Variants in ATAD5 observed in about 807,000 individuals in gnomAD.
The protein encoded by ATAD5 is ATPase family AAA domain-containing protein 5.
ATAD5 carries 58 observed loss-of-function variants against 176.9 expected under a neutral mutation model. The observed-to-expected ratio is 0.33, with a 90% CI of 0.27 to 0.41. The LOEUF (loss-of-function observed/expected upper bound fraction) is 0.41, where lower values mean the gene tolerates loss of function less well. ATAD5 is among the 10% of genes least tolerant of loss of function. ATAD5 has a pLI of 1.00. For missense variants in ATAD5, 1,789 were observed against 2,094.1 expected (o/e 0.85, Z 2.84); for synonymous variants, 640 against 712.6 (o/e 0.90, Z 1.62).
At chr17:30,848,333 C>A (rs777185125) in intron 6 of ATAD5, among the ~76,000 whole-genome samples, 7 of 151,808 alleles carry the variant, frequency 4.6e-5, no homozygotes, top group Non-Finnish European at 8.8e-5. Context: ...GTAGCCGTGA[C>A]CTCCAAGGGT....
At chr17:30,832,804 T>G (rs568478607) in intron 1 of ATAD5, among the ~76,000 whole-genome samples, 8 of 152,336 alleles carry the variant, frequency 5.3e-5, no homozygotes, top group African/African-American at 1.9e-4. Context: ...TAAGTTAAAC[T>G]AGTTCATACA....
intron 19 of ATAD5, among the ~76,000 whole-genome samples, 166 bp from the exon 20 acceptor site, chr17:30,892,441 A>G (rs1017009397): frequency 6.6e-6 from 1 of 151,980 alleles, no homozygotes; most frequent in African/African-American, 2.4e-5. Context: ...AAAAAAAAAA[A>G]AAAGAATAAT....
At chr17:30,866,821 A>G (rs2142390968) in intron 11 of ATAD5, among the ~76,000 whole-genome samples, 1 of 152,182 alleles carries the variant, frequency 6.6e-6, no homozygotes. Context: ...TCCCAAAACA[A>G]AGCAAAAAAA....
chr17:30,879,974 A>C, intron 18 of ATAD5, among the ~76,000 whole-genome samples: 1 of 150,796 alleles, frequency 6.6e-6, no homozygotes, highest in African/African-American at 2.4e-5. Flanking sequence ...CAGTGAGCTG[A>C]AATTGTGCCA....
chr17:30,854,369 ATTTT>A (rs11445925), intron 6 of ATAD5, among the ~76,000 whole-genome samples: 1 of 121,008 alleles, frequency 8.3e-6, no homozygotes, highest in Non-Finnish European at 1.6e-5. Flanking sequence ...ATTAATTTAA[ATTTT>A]TTTTTTTTTT....
At chr17:30,883,569 G>GGT (rs1909148625) in intron 18 of ATAD5, among the ~76,000 whole-genome samples, 1 of 151,812 alleles carries the variant, frequency 6.6e-6, no homozygotes, top group Non-Finnish European at 1.5e-5. Context: ...TTTTTGAGAT[G>GGT]GAGTCTCGCT....
intron 6 of ATAD5, among the ~76,000 whole-genome samples, chr17:30,851,293 A>G (rs1906945894): frequency 6.8e-6 from 1 of 147,984 alleles, no homozygotes; most frequent in East Asian, 2.1e-4. Context: ...TCAGCAGATC[A>G]AGACCATCCT....
chr17:30,841,828 A>G (rs1429280930), intron 4 of ATAD5, among the ~76,000 whole-genome samples: 2 of 152,198 alleles, frequency 1.3e-5, no homozygotes, highest in Non-Finnish European at 2.9e-5. Context: ...TCTGTTGCCA[A>G]ATATCCCATT....
intron 7 of ATAD5, among the ~76,000 whole-genome samples, chr17:30,856,306 A>G (rs1053229622): frequency 6.6e-6 from 1 of 152,192 alleles, no homozygotes; most frequent in Admixed American, 6.6e-5. Flanking sequence ...CTCACTTTGA[A>G]TGTAAGGATG....
Position 30,869,552 on chromosome 17 carries a change from G to A in ATAD5, c.3513G>A (p.Leu1171=), listed in dbSNP as rs764842050. The stretch of plus-strand genomic sequence containing the variant: ...GTGGTAGACAAATTCTATCTCAGTT[G>A]AAGGAAGCTACTCAGTCCCATCAAG... ...QRSGRQILSQ[L]KEATQSHQVD... Residue 1171 remains leucine, a synonymous_variant, in exon 14 of 23, where the codon TTG becomes TTA. Coordinates refer to ENST00000321990, the MANE Select transcript of ATAD5 (RefSeq NM_024857.5). 8 of 1,612,452 alleles carry A rather than the reference G, an allele frequency of 5.0e-6. No homozygotes were observed. Among genetic ancestry groups the A allele is most frequent in the Non-Finnish European group, 6.8e-6 (8 of 1,179,710 alleles).
intron 12 of ATAD5, 151 bp from the exon 13 acceptor site, chr17:30,869,097 A>T: frequency 1.2e-6 from 1 of 862,932 alleles, no homozygotes; most frequent in South Asian, 1.8e-5. Flanking sequence ...AAGTGCTGGG[A>T]TTACAGGCAT....
At chr17:30,885,750 C>T (rs1909291691) in intron 18 of ATAD5, among the ~76,000 whole-genome samples, 1 of 149,686 alleles carries the variant, frequency 6.7e-6, no homozygotes, top group South Asian at 2.1e-4. Flanking sequence ...TCTCCTGTCT[C>T]AGCCTCCCGA....
intron 18 of ATAD5, among the ~76,000 whole-genome samples, chr17:30,884,649 G>A (rs7223535): frequency 0.25 from 37,534 of 150,044 alleles, 4,793 homozygotes; most frequent in Middle Eastern, 0.3. Flanking sequence ...GGCTTGTCTC[G>A]AACTCCTGAC....
intron 6 of ATAD5, among the ~76,000 whole-genome samples, chr17:30,847,327 T>TATAGAGAG (rs918823567): frequency 5.3e-5 from 8 of 150,464 alleles, no homozygotes; most frequent in South Asian, 2.1e-4. Context: ...TATATATATA[T>TATAGAGAG]AGAGAGAGAG....
At chr17:30,852,731 G>C (rs1280951144) in intron 6 of ATAD5, among the ~76,000 whole-genome samples, 1 of 152,018 alleles carries the variant, frequency 6.6e-6, no homozygotes, top group African/African-American at 2.4e-5. Context: ...AGAGAGAGGA[G>C]GAGGTACCAG....
At chr17:30,847,566 G>A (rs1396373930) in intron 6 of ATAD5, among the ~76,000 whole-genome samples, 2 of 151,262 alleles carry the variant, frequency 1.3e-5, no homozygotes, top group Non-Finnish European at 2.9e-5. Context: ...TCCTGACCTC[G>A]TGATCCGCCT....
chr17:30,845,611 C>T (rs1228708347), intron 6 of ATAD5, among the ~76,000 whole-genome samples: 1 of 151,976 alleles, frequency 6.6e-6, no homozygotes, highest in Non-Finnish European at 1.5e-5. Flanking sequence ...CCTAGGAGGC[C>T]ATGTTAAGGG....
chr17:30,893,834 G>C lies in ATAD5; in HGVS notation c.4981G>C (p.Ala1661Pro). 1 of 1,613,858 alleles carries C rather than the reference G, an allele frequency of 6.2e-7. No individual in the cohort carries two copies. Among genetic ancestry groups the C allele is most frequent in the Non-Finnish European group, 8.5e-7 (1 of 1,179,850 alleles). The change falls in exon 21 of 23, where the codon GCA becomes CCA. Residue 1661 changes from alanine (A) to proline (P), a missense_variant. Physicochemically the swap from Ala to Pro is conservative, Grantham distance 27 (BLOSUM62 -1). Around this residue, in one of 6 missense-constraint regions of ATAD5, gnomAD observed 403 missense variants for 495.1 expected, o/e 0.81. Transcript: ENST00000321990. The stretch of plus-strand genomic sequence containing the variant: ...CATGGATAACATGTCCTTCTTAGAT[G>C]CACTTTTAACTGATGTAAGGGAACA... ...EFMDNMSFLDALLTDVREQNK... is the reference protein window; with the variant it reads ...EFMDNMSFLDPLLTDVREQNK...
chr17:30,850,869 ATTTTTTTTTTTTTTT>A (rs58433358), intron 6 of ATAD5, among the ~76,000 whole-genome samples: 1 of 14,772 alleles, frequency 6.8e-5, no homozygotes, highest in African/African-American at 2.3e-4. Context: ...ATATATATAT[ATTTTTTTTTTTTTTT>A]TTTTTTTTTT....
Sources: allele counts gnomAD v4.1 joint callset (sites outside exome capture counted in the v4.1 genomes callset), GRCh38; gene constraint gnomAD v4.1.1; regional missense constraint gnomAD v4.1.1; transcripts MANE v1.5; gene names NCBI Gene and HGNC (gene_info 2026-07-23, HGNC 2026-07-21).